Variants in SNTG1 observed in about 807,000 individuals in gnomAD.
SNTG1 encodes syntrophin gamma 1.
Under a neutral mutation model 74.7 loss-of-function variants are expected in SNTG1, and 39 were observed. That is an observed-to-expected ratio of 0.52 (90% confidence interval 0.40 to 0.68). The LOEUF (loss-of-function observed/expected upper bound fraction) is 0.68, where lower values mean the gene tolerates loss of function less well. SNTG1 is among the 30% of genes least tolerant of loss of function. The pLI is 0.00. For synonymous variants in SNTG1, 254 were observed against 217.1 expected (o/e 1.17, Z -1.49); for missense variants, 685 against 609.5 (o/e 1.12, Z -1.30).
intron 1 of SNTG1, among the ~76,000 whole-genome samples, chr8:50,096,047 C>T (rs1340157549): frequency 6.6e-6 from 1 of 152,004 alleles, no homozygotes; most frequent in Non-Finnish European, 1.5e-5. Context: ...CTAGTAAATG[C>T]TAAAACCTGG....
At chr8:50,306,732 T>C (rs1477675741) in intron 2 of SNTG1, among the ~76,000 whole-genome samples, 12 of 152,022 alleles carry the variant, frequency 7.9e-5, no homozygotes. Flanking sequence ...GCCTACTTTT[T>C]GATGGATTTT....
chr8:50,742,859 G>A (rs970748753), intron 17 of SNTG1, among the ~76,000 whole-genome samples: 2 of 151,750 alleles, frequency 1.3e-5, no homozygotes, highest in African/African-American at 2.4e-5. Flanking sequence ...TGATAATATT[G>A]TAAAAATAAA....
chr8:50,151,032 G>T (rs1330110154), intron 1 of SNTG1, among the ~76,000 whole-genome samples: 1 of 152,076 alleles, frequency 6.6e-6, no homozygotes, highest in Non-Finnish European at 1.5e-5. Flanking sequence ...CTGTGAATCT[G>T]CCTGGTCCTG....
rs191725406 is a variant in SNTG1, at chr8:50,351,380, C to T, written c.-27-42832C>T. Among the ~76,000 whole-genome samples the T allele has an allele frequency of 3.3e-3, 498 of 152,290 alleles. 8 individuals carry two copies. Among genetic ancestry groups the T allele is most frequent in the East Asian group, 7.7e-4 (4 of 5,186 alleles). On this transcript the variant is annotated intron_variant, in intron 2 of 18. Coordinates refer to ENST00000642720, the MANE Select transcript of SNTG1 (RefSeq NM_018967.5). Reference sequence around the variant, plus strand: ...AGGTGTACAGTTTATACAGGAAAGGCGCTCAAGTAGTTTTGACAGAAATGA... The same window carrying T: ...AGGTGTACAGTTTATACAGGAAAGGTGCTCAAGTAGTTTTGACAGAAATGA...
intron 9 of SNTG1, among the ~76,000 whole-genome samples, chr8:50,519,605 G>A (rs191725238): frequency 1.3e-5 from 2 of 152,266 alleles, no homozygotes; most frequent in Admixed American, 6.5e-5. Context: ...CTTCGGCAGA[G>A]TTTCAGGATA....
intron 2 of SNTG1, among the ~76,000 whole-genome samples, chr8:50,302,275 C>T (rs2089685917): frequency 6.6e-6 from 1 of 152,134 alleles, no homozygotes; most frequent in Non-Finnish European, 1.5e-5. Context: ...GTTAGCTGGG[C>T]CCTTTCCTGT....
chr8:50,709,750 G>T (rs1168155624), intron 17 of SNTG1, among the ~76,000 whole-genome samples: 1 of 152,106 alleles, frequency 6.6e-6, no homozygotes, highest in Non-Finnish European at 1.5e-5. Context: ...TGGAACTGTT[G>T]TCCCCATGGA....
At chr8:50,377,984 G>A (rs542528283) in intron 2 of SNTG1, among the ~76,000 whole-genome samples, 279 of 152,332 alleles carry the variant, frequency 1.8e-3, no homozygotes, top group Non-Finnish European at 3.0e-3. Flanking sequence ...TCTGTGGCTG[G>A]TGGCACCTTT....
At chr8:50,015,106 C>T (rs542020696) in intron 1 of SNTG1, among the ~76,000 whole-genome samples, 1 of 150,534 alleles carries the variant, frequency 6.6e-6, no homozygotes, top group Non-Finnish European at 1.5e-5. Context: ...TACATGCATA[C>T]AAAACTGAGG....
At chr8:50,234,673 T>C (rs1369780497) in intron 2 of SNTG1, among the ~76,000 whole-genome samples, 1 of 152,104 alleles carries the variant, frequency 6.6e-6, no homozygotes, top group Non-Finnish European at 1.5e-5. Context: ...CAAATTAAAA[T>C]GTGTTACATC....
At chr8:50,248,588 A>G (rs898123218) in intron 2 of SNTG1, among the ~76,000 whole-genome samples, 2 of 152,178 alleles carry the variant, frequency 1.3e-5, no homozygotes, top group African/African-American at 4.8e-5. Flanking sequence ...TCCAGATTAC[A>G]AGGCCTCTCT....
intron 2 of SNTG1, among the ~76,000 whole-genome samples, chr8:50,253,074 T>A (rs2086713291): frequency 6.6e-6 from 1 of 152,090 alleles, no homozygotes; most frequent in South Asian, 2.1e-4. Flanking sequence ...TACACACCGT[T>A]GGTGGGACTG....
intron 2 of SNTG1, among the ~76,000 whole-genome samples, chr8:50,322,728 C>G (rs1433677861): frequency 6.6e-6 from 1 of 151,706 alleles, no homozygotes; most frequent in South Asian, 2.1e-4. Context: ...GTTTTTTATT[C>G]TTATTTCTTT....
intron 18 of SNTG1, among the ~76,000 whole-genome samples, chr8:50,791,444 T>C (rs568068527): frequency 6.6e-6 from 1 of 152,014 alleles, no homozygotes; most frequent in South Asian, 2.1e-4. Context: ...CTATGTCTTC[T>C]ATATTATAGG....
intron 16 of SNTG1, chr8:50,708,111 G>T (rs1017754831): frequency 3.3e-5 from 7 of 212,288 alleles, no homozygotes; most frequent in Non-Finnish European, 6.4e-5. Flanking sequence ...CGAGGGAAGA[G>T]CATTTATTGA....
intron 13 of SNTG1, among the ~76,000 whole-genome samples, chr8:50,639,730 T>A (rs1387749073): frequency 1.3e-5 from 2 of 152,100 alleles, no homozygotes; most frequent in Admixed American, 1.3e-4. Context: ...AGCCTCAGTA[T>A]TATAAACTGA....
At chr8:49,994,216 G>GATATTGGGT (rs1454918701) in intron 1 of SNTG1, among the ~76,000 whole-genome samples, 1 of 150,236 alleles carries the variant, frequency 6.7e-6, no homozygotes, top group African/African-American at 2.4e-5. Flanking sequence ...TTATCCACAT[G>GATATTGGGT]ATATTGGGTA....
intron 15 of SNTG1, among the ~76,000 whole-genome samples, chr8:50,681,719 AT>A (rs2095331721): frequency 6.6e-6 from 1 of 152,190 alleles, no homozygotes; most frequent in Non-Finnish European, 1.5e-5. Flanking sequence ...CTTTTTAGGA[AT>A]TCCCAACCTA....
intron 18 of SNTG1, among the ~76,000 whole-genome samples, chr8:50,764,216 G>A (rs35081271): frequency 0.042 from 6,352 of 151,730 alleles, 171 homozygotes; most frequent in Admixed American, 0.076. Flanking sequence ...TGACTTTTTG[G>A]ATTTGCCTCC....
Sources: allele counts gnomAD v4.1 joint callset (sites outside exome capture counted in the v4.1 genomes callset), GRCh38; gene constraint gnomAD v4.1.1; transcripts MANE v1.5; gene names NCBI Gene and HGNC (gene_info 2026-07-23, HGNC 2026-07-21).